The following LIPI variants were observed in gnomAD, a reference collection of about 807,000 sequenced individuals.
The protein encoded by LIPI is lipase member I.
LIPI carries 59 observed loss-of-function variants against 50.6 expected under a neutral mutation model. The observed-to-expected ratio is 1.16, with a 90% CI of 0.94 to 1.45. The LOEUF (loss-of-function observed/expected upper bound fraction) is 1.45, where lower values mean the gene tolerates loss of function less well. LIPI is among the 40% of genes most tolerant of loss of function. The pLI is 0.00. For missense variants in LIPI, 586 were observed against 536.3 expected (o/e 1.09, Z -0.92); for synonymous variants, 203 against 178.2 (o/e 1.14, Z -1.11).
At chr21:14,201,838 C>T (rs142333945) in intron 1 of LIPI, among the ~76,000 whole-genome samples, 1 of 152,204 alleles carries the variant, frequency 6.6e-6, no homozygotes, top group Non-Finnish European at 1.5e-5. Flanking sequence ...CTGGCCAGGG[C>T]AATCAGGCTG....
At chr21:14,203,798 T>C (rs925492401) in intron 1 of LIPI, among the ~76,000 whole-genome samples, 1 of 151,884 alleles carries the variant, frequency 6.6e-6, no homozygotes, top group Non-Finnish European at 1.5e-5. Flanking sequence ...CATGTATACA[T>C]ATGTAACTAA....
rs767909383 is a variant in LIPI, at chr21:14,204,619, GAAAC to G, written c.46+6177_46+6180del. 6.6e-5 allele frequency among the ~76,000 whole-genome samples: 10 copies of G among 151,956 alleles called. No individual in the cohort carries two copies. The East Asian group carries it at 1.4e-3, about 21-fold the overall frequency. On this transcript the variant is annotated intron_variant, in intron 1 of 9. Coordinates refer to ENST00000681601, the MANE Select transcript of LIPI (RefSeq NM_001302998.2). The stretch of plus-strand genomic sequence containing the variant: ...ATAAACCAATTAAAAAGAGGCCTGT[GAAAC>G]AGAACCAAAAATAGTTTAATGAAAT...
intron 9 of LIPI, among the ~76,000 whole-genome samples, chr21:14,133,888 C>T (rs2017391726): frequency 6.6e-6 from 1 of 152,154 alleles, no homozygotes; most frequent in Admixed American, 6.5e-5. Flanking sequence ...AATGCTACAA[C>T]ACATTAAAAT....
At chr21:14,140,627 T>C (rs2017671793) in intron 9 of LIPI, among the ~76,000 whole-genome samples, 1 of 152,126 alleles carries the variant, frequency 6.6e-6, no homozygotes, top group Non-Finnish European at 1.5e-5. Flanking sequence ...TTTAATACTT[T>C]ACCATATCTA....
intron 9 of LIPI, among the ~76,000 whole-genome samples, chr21:14,131,479 C>A (rs1362320863): frequency 6.6e-6 from 1 of 152,188 alleles, no homozygotes; most frequent in African/African-American, 2.4e-5. Flanking sequence ...AGAAGTCATA[C>A]AAAATTATAC....
intron 1 of LIPI, 72 bp downstream of exon 1, chr21:14,210,728 T>A: frequency 2.0e-6 from 1 of 502,682 alleles, no homozygotes; most frequent in South Asian, 2.7e-5. Flanking sequence ...ACATTCTTTA[T>A]CCCAGAATAC....
chr21:14,187,062 A>G (rs1031270256), intron 2 of LIPI, among the ~76,000 whole-genome samples: 1 of 152,216 alleles, frequency 6.6e-6, no homozygotes. Context: ...CCTTAGGAAG[A>G]TTCACAAAAG....
intron 3 of LIPI, among the ~76,000 whole-genome samples, chr21:14,183,138 T>C (rs957594229): frequency 1.5e-4 from 23 of 152,144 alleles, no homozygotes; most frequent in African/African-American, 5.6e-4. Context: ...AATAGACCAA[T>C]GGAACAGAAC....
chr21:14,162,282 G>T (rs1488568342), intron 7 of LIPI, among the ~76,000 whole-genome samples: 1 of 151,372 alleles, frequency 6.6e-6, no homozygotes, highest in Non-Finnish European at 1.5e-5. Flanking sequence ...AAATAACAAA[G>T]TTCTAGAAAT....
intron 9 of LIPI, among the ~76,000 whole-genome samples, chr21:14,138,582 C>T (rs1369815102): frequency 6.6e-6 from 1 of 151,890 alleles, no homozygotes; most frequent in Non-Finnish European, 1.5e-5. Flanking sequence ...ACTTAATTTT[C>T]TCCAATTATG....
intron 1 of LIPI, among the ~76,000 whole-genome samples, chr21:14,197,532 T>G (rs902711708): frequency 6.6e-6 from 1 of 151,938 alleles, no homozygotes; most frequent in African/African-American, 2.4e-5. Context: ...CGGGTTAGAT[T>G]CTTTCTGAAA....
chr21:14,198,924 G>A (rs752880549), intron 1 of LIPI, among the ~76,000 whole-genome samples: 2 of 152,020 alleles, frequency 1.3e-5, no homozygotes, highest in African/African-American at 2.4e-5. Context: ...ATACCACAGT[G>A]TAATCAAATT....
chr21:14,120,713 G>A (rs1157796547), intron 9 of LIPI, among the ~76,000 whole-genome samples: 2 of 152,208 alleles, frequency 1.3e-5, no homozygotes. Context: ...GGTTCACACA[G>A]GAAAATGGGT....
rs139945005 is a variant in LIPI at position 14,201,175 on chromosome 21, C to T, written c.46+9625G>A. Among the ~76,000 whole-genome samples the T allele has an allele frequency of 3.1e-3, 470 of 152,140 alleles. 4 individuals carry two copies. The highest frequency in any genetic ancestry group is 0.011 in the African/African-American group (455 of 41,532). ...CAAAAGCCCTGAAAGACAACTTAGG[C>T]AATACCATTCAGAACATAGACACAG... On this transcript the variant is annotated intron_variant, in intron 1 of 9. Coordinates refer to ENST00000681601, the MANE Select transcript of LIPI (RefSeq NM_001302998.2).
chr21:14,154,142 C>A (rs1404766087), intron 7 of LIPI, among the ~76,000 whole-genome samples: 1 of 148,512 alleles, frequency 6.7e-6, no homozygotes, highest in Admixed American at 6.8e-5. Flanking sequence ...ACTTGACAAA[C>A]CACTGAGACT....
At position 14,163,476 on chromosome 21, in the gene LIPI, C is replaced by T. The variant is rs1486319913; in HGVS notation, c.949G>A (p.Gly317Arg). The T allele has an allele frequency of 1.2e-5, 19 of 1,590,800 alleles. No homozygotes were observed. Among genetic ancestry groups the T allele is most frequent in the Non-Finnish European group, 1.6e-5 (18 of 1,159,236 alleles). Residue 317 changes from glycine to arginine, a missense_variant, in exon 7 of 10, where the codon GGA becomes AGA. Transcript: ENST00000681601. Reference protein sequence around the residue: ...FKGVLKERMEGRPLRTTVFLD... With the variant: ...FKGVLKERMERRPLRTTVFLD... ...AACACAGTGGTCCTAAGAGGTCTTCCTTCCATCCTTTCTTTTAAAACACCT... is the reference window on the plus strand; with the variant it reads ...AACACAGTGGTCCTAAGAGGTCTTCTTTCCATCCTTTCTTTTAAAACACCT...
At chr21:14,190,125 C>A (rs1387760529) in intron 1 of LIPI, among the ~76,000 whole-genome samples, 1 of 152,048 alleles carries the variant, frequency 6.6e-6, no homozygotes, top group Non-Finnish European at 1.5e-5. Flanking sequence ...GTATTTTCAT[C>A]CATGTGTGCA....
At chr21:14,202,543 T>C (rs2020092759) in intron 1 of LIPI, among the ~76,000 whole-genome samples, 1 of 152,096 alleles carries the variant, frequency 6.6e-6, no homozygotes, top group African/African-American at 2.4e-5. Flanking sequence ...TCTACAACCA[T>C]CTGATCTTTG....
chr21:14,138,558 T>A (rs1025311220), intron 9 of LIPI, among the ~76,000 whole-genome samples: 4 of 152,064 alleles, frequency 2.6e-5, no homozygotes, highest in Non-Finnish European at 5.9e-5. Flanking sequence ...AAGGTATTTT[T>A]ATAAGAAAAA....
Sources: allele counts gnomAD v4.1 joint callset (sites outside exome capture counted in the v4.1 genomes callset), GRCh38; gene constraint gnomAD v4.1.1; transcripts MANE v1.5; gene names NCBI Gene and HGNC (gene_info 2026-07-23, HGNC 2026-07-21).